The following ZFAT variants were observed in gnomAD, a reference collection of about 807,000 sequenced individuals.
ZFAT encodes the protein zinc finger and AT-hook domain containing.
ZFAT carries 64 observed loss-of-function variants against 117.7 expected under a neutral mutation model. The observed-to-expected ratio is 0.54, with a 90% CI of 0.44 to 0.67. The LOEUF is 0.67. Among genes scored for constraint, ZFAT ranks in the 30% least tolerant of loss-of-function variants. The pLI, the probability that ZFAT is intolerant of heterozygous loss-of-function variation, is 0.00. For synonymous variants in ZFAT, 679 were observed against 615.0 expected (o/e 1.10, Z -1.54); for missense variants, 1,433 against 1,584.5 (o/e 0.90, Z 1.62).
At chr8:134,620,282 T>A (rs944245829) in intron 3 of ZFAT, among the ~76,000 whole-genome samples, 1 of 152,154 alleles carries the variant, frequency 6.6e-6, no homozygotes, top group South Asian at 2.1e-4. Flanking sequence ...AAGGCTGGCA[T>A]TTGCTCTGTG....
At chr8:134,512,395 C>T in intron 14 of ZFAT, 80 bp downstream of exon 14, 10 of 1,558,578 alleles carry the variant, frequency 6.4e-6, no homozygotes, top group Non-Finnish European at 8.7e-6. Context: ...TGATGGACAT[C>T]ATTCATCTGC....
intron 3 of ZFAT, among the ~76,000 whole-genome samples, chr8:134,625,744 G>A (rs1449517308): frequency 6.6e-6 from 1 of 152,232 alleles, no homozygotes; most frequent in Non-Finnish European, 1.5e-5. Context: ...ATCTCCCTGT[G>A]ATGGGAAGCC....
chr8:134,807,721 A>C, the ZFAT span, among the ~76,000 whole-genome samples: 2 of 151,914 alleles, frequency 1.3e-5, no homozygotes, highest in African/African-American at 4.8e-5. Flanking sequence ...CATGGAAAAA[A>C]AAAAAAACAA....
the ZFAT span, among the ~76,000 whole-genome samples, chr8:134,832,017 C>T: frequency 3.4e-5 from 5 of 148,488 alleles, no homozygotes; most frequent in Non-Finnish European, 1.5e-5. Flanking sequence ...AGGAGGCCGC[C>T]GGCCCGCCGC....
the ZFAT span, among the ~76,000 whole-genome samples, chr8:134,815,171 G>C: frequency 6.6e-6 from 1 of 152,142 alleles, no homozygotes; most frequent in Non-Finnish European, 1.5e-5. Context: ...AACCAGAGTT[G>C]TACTTTTTAC....
At chr8:134,565,515 T>C (rs969186765) in intron 10 of ZFAT, 94 bp from the exon 11 acceptor site, 7 of 1,159,940 alleles carry the variant, frequency 6.0e-6, no homozygotes, top group Non-Finnish European at 6.3e-6. Context: ...CACAAAGGTG[T>C]TCCTTGCCAT....
chr8:134,629,052 A>C (rs760883556), intron 3 of ZFAT, among the ~76,000 whole-genome samples: 5 of 152,208 alleles, frequency 3.3e-5, no homozygotes, highest in Non-Finnish European at 5.9e-5. Context: ...GTCCACAGAA[A>C]AGATGATGGA....
At chr8:134,479,295 C>A (rs559816815) in intron 15 of ZFAT, among the ~76,000 whole-genome samples, 2 of 152,298 alleles carry the variant, frequency 1.3e-5, no homozygotes, top group South Asian at 4.1e-4. Flanking sequence ...AATGCCTTAA[C>A]TATTTGGGGG....
chr8:134,773,245 T>C, the ZFAT span, among the ~76,000 whole-genome samples: 5 of 152,214 alleles, frequency 3.3e-5, no homozygotes, highest in Admixed American at 2.6e-4. Flanking sequence ...ATCTACTCTG[T>C]CTATGCTCTA....
At chr8:134,721,434 GA>G in the ZFAT span, among the ~76,000 whole-genome samples, 1 of 152,134 alleles carries the variant, frequency 6.6e-6, no homozygotes, top group Non-Finnish European at 1.5e-5. Flanking sequence ...CTTTCAAACC[GA>G]GGAGCTCACA....
chr8:134,815,520 T>C, the ZFAT span, among the ~76,000 whole-genome samples: 1 of 152,210 alleles, frequency 6.6e-6, no homozygotes, highest in South Asian at 2.1e-4. Context: ...ACCTCTGTTT[T>C]AAAACCCTCC....
In ZFAT at chr8:134,712,849, C is replaced by T; in HGVS notation, c.15G>A (p.Ala5=). 1.3e-6 allele frequency: 2 copies of T among 1,503,618 alleles called. No individual in the cohort carries two copies. Among genetic ancestry groups the T allele is most frequent in the Non-Finnish European group, 8.9e-7 (1 of 1,127,948 alleles). 93.1% of individuals were successfully genotyped at this position (1,503,618 alleles called of 1,614,324 possible). The change falls in exon 1 of 16, where the codon GCG becomes GCA. Residue 5 remains alanine, a synonymous_variant. Coordinates refer to ENST00000377838, the MANE Select transcript of ZFAT (RefSeq NM_020863.4). METR[A]AENTAIFMCK... ...CCAACCCCCAGCCCGGCTCACCTGCCGCCCGCGTCTCCATGGCAACGCCCC... is the reference window on the plus strand; with the variant it reads ...CCAACCCCCAGCCCGGCTCACCTGCTGCCCGCGTCTCCATGGCAACGCCCC...
intron 3 of ZFAT, among the ~76,000 whole-genome samples, chr8:134,633,037 C>T (rs147056014): frequency 1.6e-4 from 24 of 152,084 alleles, no homozygotes; most frequent in African/African-American, 5.5e-4. Flanking sequence ...TTGATACGCA[C>T]ATTCTACAGG....
chr8:134,745,802 A>ATAT, the ZFAT span, among the ~76,000 whole-genome samples: 10 of 152,248 alleles, frequency 6.6e-5, no homozygotes, highest in African/African-American at 2.2e-4. Context: ...TGAGATGAGT[A>ATAT]TATTATTATT....
the ZFAT span, among the ~76,000 whole-genome samples, chr8:134,729,735 C>T: frequency 6.6e-6 from 1 of 152,110 alleles, no homozygotes; most frequent in Non-Finnish European, 1.5e-5. Context: ...AGCTTGACTG[C>T]TTGAGTTTGT....
intron 15 of ZFAT, among the ~76,000 whole-genome samples, chr8:134,508,026 C>A (rs1429982959): frequency 3.9e-5 from 6 of 152,196 alleles, no homozygotes; most frequent in Non-Finnish European, 8.8e-5. Context: ...TGAATCTTTT[C>A]TCAGCCAACG....
At chr8:134,748,768 A>G in the ZFAT span, among the ~76,000 whole-genome samples, 9 of 152,186 alleles carry the variant, frequency 5.9e-5, no homozygotes, top group African/African-American at 2.2e-4. Context: ...GCAGGTGTGT[A>G]GTTGTATTAT....
rs150520883 is a variant in ZFAT, at chr8:134,524,152, C to T, written c.3116-3151G>A. On this transcript the variant is annotated intron_variant, in intron 12 of 15. Transcript: ENST00000377838. Reference sequence around the variant, plus strand: ...CAACCATCCCCCTGCTCTCCTTGGACTTCTGCACCTCCCCTCTGTACACAT... The same window carrying T: ...CAACCATCCCCCTGCTCTCCTTGGATTTCTGCACCTCCCCTCTGTACACAT... Among the ~76,000 whole-genome samples the T allele has an allele frequency of 3.3e-3, 497 of 152,316 alleles. 3 individuals carry two copies. The highest frequency in any genetic ancestry group is 0.011 in the African/African-American group (454 of 41,568).
At chr8:134,820,428 T>C in the ZFAT span, among the ~76,000 whole-genome samples, 2 of 152,254 alleles carry the variant, frequency 1.3e-5, no homozygotes, top group Non-Finnish European at 2.9e-5. Context: ...ATCATCATCA[T>C]ACAGCACCTT....
Sources: allele counts gnomAD v4.1 joint callset (sites outside exome capture counted in the v4.1 genomes callset), GRCh38; gene constraint gnomAD v4.1.1; transcripts MANE v1.5; gene names NCBI Gene and HGNC (gene_info 2026-07-23, HGNC 2026-07-21).